MOCS1: variants seen among roughly 807,000 people sequenced by gnomAD.
The protein encoded by MOCS1 is molybdenum cofactor biosynthesis protein 1.
In MOCS1, 39 loss-of-function variants were observed where a neutral mutation model predicts 57.6. The ratio of observed to expected loss-of-function variants is 0.68; its 90% CI spans 0.52 to 0.88. MOCS1 has a LOEUF of 0.88. Ranked by LOEUF, MOCS1 falls within the 40% of genes least tolerant of loss-of-function variation. The probability of loss-of-function intolerance (pLI) is 0.00; values close to 1 mark genes in which losing one functional copy is unlikely to be tolerated. For missense variants in MOCS1, 795 were observed against 831.1 expected, an observed-to-expected ratio of 0.96 and a Z score of 0.53; for synonymous variants, 334 against 335.7, an observed-to-expected ratio of 1.00 and a Z score of 0.05.
In MOCS1 at chr6:39,905,580, T is replaced by TCAA. The variant is rs981281842; in HGVS notation, c.*774_*776dup. 4.2e-6 allele frequency: 2 copies of TCAA among 471,066 alleles called. No individual in the cohort carries two copies. Among genetic ancestry groups the TCAA allele is most frequent in the African/African-American group, 2.0e-5 (1 of 50,064 alleles). 29.2% of individuals were successfully genotyped at this position (471,066 alleles called of 1,614,324 possible). A position where few individuals can be genotyped will look rare whatever the true frequency, so the allele number is the denominator to read the frequency against. On this transcript the variant is annotated 3_prime_UTR_variant, in exon 11 of 11. Coordinates refer to ENST00000340692, the MANE Select transcript of MOCS1 (RefSeq NM_001358530.2). ...CTGTGAGGGTGAAGGCAATCTATCA[T>TCAA]CAACTTTTCTTTCCCTGATATGCTC...
chr6:39,904,295 A>C lies in MOCS1; in HGVS notation c.*2062T>G. The C allele has an allele frequency of 2.2e-6, 1 of 456,778 alleles. No homozygotes were observed. Among genetic ancestry groups the C allele is most frequent in the South Asian group, 1.5e-5 (1 of 64,568 alleles). The allele number at this position is 456,778 out of a possible 1,614,324, so 28.3% of individuals were successfully genotyped here. A position where few individuals can be genotyped will look rare whatever the true frequency, so the allele number is the denominator to read the frequency against. Reference sequence around the variant, plus strand: ...AAAGATATTTTTCTATTTATTTTCTACATCTGGCCAGTGGCTCTGGTGCTA... The same window carrying C: ...AAAGATATTTTTCTATTTATTTTCTCCATCTGGCCAGTGGCTCTGGTGCTA... On this transcript the variant is annotated 3_prime_UTR_variant, in exon 11 of 11. Transcript: ENST00000340692.
intron 1 of MOCS1, among the ~76,000 whole-genome samples, chr6:39,929,929 G>A (rs1166134432): frequency 6.5e-5 from 8 of 122,738 alleles, no homozygotes; most frequent in South Asian, 2.9e-4. Flanking sequence ...GCAACAGAGC[G>A]AGATTCTCTC....
chr6:39,933,480 C>T (rs1768745294), intron 1 of MOCS1, among the ~76,000 whole-genome samples: 1 of 152,066 alleles, frequency 6.6e-6, no homozygotes, highest in Non-Finnish European at 1.5e-5. Context: ...TTATGAATCC[C>T]AGGACAGGAA....
chr6:39,925,942 T>G (rs1768269802), intron 2 of MOCS1, 97 bp from the exon 3 acceptor site: 2 of 1,342,332 alleles, frequency 1.5e-6, no homozygotes, highest in Admixed American at 4.6e-5. Flanking sequence ...GGCCAAAGGC[T>G]TCTCAAACCC....
Position 39,906,231 on chromosome 6 carries a change from A to G in MOCS1, c.*126T>C. The G allele has an allele frequency of 8.4e-7, 1 of 1,195,528 alleles. No homozygotes were observed. Among genetic ancestry groups the G allele is most frequent in the Non-Finnish European group, 1.2e-6 (1 of 809,322 alleles). 74.1% of individuals were successfully genotyped at this position (1,195,528 alleles called of 1,614,324 possible). A position where few individuals can be genotyped will look rare whatever the true frequency, so the allele number is the denominator to read the frequency against. On this transcript the variant is annotated 3_prime_UTR_variant, in exon 11 of 11. Transcript: ENST00000340692. ...TGTTTGTTAGTAGTAGAGCAGGCTG[A>G]CTTCGGGTTTACTGCTCAAGGTAAA...
intron 1 of MOCS1, among the ~76,000 whole-genome samples, chr6:39,932,113 C>T (rs769522285): frequency 4.6e-5 from 7 of 152,174 alleles, no homozygotes; most frequent in Non-Finnish European, 1.0e-4. Context: ...ACACCCTCAT[C>T]CTGCCACACA....
At chr6:39,929,153 G>A (rs1309867221) in intron 1 of MOCS1, among the ~76,000 whole-genome samples, 1 of 152,132 alleles carries the variant, frequency 6.6e-6, no homozygotes, top group Non-Finnish European at 1.5e-5. Flanking sequence ...ACCCACCGCG[G>A]GAGAATTTCC....
At chr6:39,933,425 T>A (rs936191858) in intron 1 of MOCS1, among the ~76,000 whole-genome samples, 1 of 152,086 alleles carries the variant, frequency 6.6e-6, no homozygotes, top group African/African-American at 2.4e-5. Context: ...AAAGCAAATT[T>A]GGCGGAAGTC....
At chr6:39,929,962 A>AAAG (rs1554192264) in intron 1 of MOCS1, among the ~76,000 whole-genome samples, 1 of 136,536 alleles carries the variant, frequency 7.3e-6, no homozygotes, top group African/African-American at 2.6e-5. Flanking sequence ...AAAAAAAAAA[A>AAAG]TGGAATTTGG....
intron 3 of MOCS1, among the ~76,000 whole-genome samples, chr6:39,920,916 C>A (rs1274591287): frequency 6.7e-6 from 1 of 149,992 alleles, no homozygotes; most frequent in African/African-American, 2.5e-5. Context: ...GAGGTTGAGG[C>A]TGCAGTGAGC....
chr6:39,922,245 G>A (rs1455140166), intron 3 of MOCS1, among the ~76,000 whole-genome samples: 1 of 152,184 alleles, frequency 6.6e-6, no homozygotes. Flanking sequence ...CAAGAGCTAT[G>A]AGTGGCTACT....
chr6:39,922,025 G>A (rs1582826706), intron 3 of MOCS1, among the ~76,000 whole-genome samples: 1 of 152,122 alleles, frequency 6.6e-6, no homozygotes, highest in African/African-American at 2.4e-5. Flanking sequence ...CCAGTCGTTC[G>A]GGAAGTTAGG....
chr6:39,906,081 C>G lies in MOCS1; in HGVS notation c.*276G>C. 1.5e-6 allele frequency: 1 copy of G among 652,194 alleles called. No individual in the cohort carries two copies. Among genetic ancestry groups the G allele is most frequent in the Non-Finnish European group, 2.8e-6 (1 of 354,756 alleles). The allele number at this position is 652,194 out of a possible 1,614,324, so 40.4% of individuals were successfully genotyped here. On this transcript the variant is annotated 3_prime_UTR_variant, in exon 11 of 11. Transcript: ENST00000340692. ...ACAAAGAACATGATTTCTCAGTTAT[C>G]TGGCATTGCTTGTTGCAGTCCCGCT...
chr6:39,914,369 A>C (rs1038019585), intron 4 of MOCS1, among the ~76,000 whole-genome samples: 1 of 152,232 alleles, frequency 6.6e-6, no homozygotes, highest in African/African-American at 2.4e-5. Context: ...CATCTTTCAG[A>C]ATGCAGGTTT....
Position 39,925,683 on chromosome 6 carries a change from A to G in MOCS1, c.413T>C (p.Ile138Thr), listed in dbSNP as rs370522920. The change falls in exon 3 of 11, where the codon ATT (isoleucine) becomes ACT (threonine). Residue 138 changes from isoleucine to threonine, a missense_variant. Physicochemically the swap from Ile to Thr is moderately conservative, Grantham distance 89. Transcript: ENST00000340692. Reference sequence around the variant, plus strand: ...ATGACTTTCGTCCAACTCACCCACAATGTCCACCACGTCCGGCCGGATAAG... The same window carrying G: ...ATGACTTTCGTCCAACTCACCCACAGTGTCCACCACGTCCGGCCGGATAAG... ...EPLIRPDVVDIVAQLQRLEGL... is the reference protein window; with the variant it reads ...EPLIRPDVVDTVAQLQRLEGL... 6.2e-7 allele frequency: 1 copy of G among 1,612,578 alleles called. No individual in the cohort carries two copies. The highest frequency in any genetic ancestry group is 8.5e-7 in the Non-Finnish European group (1 of 1,179,960).
intron 3 of MOCS1, among the ~76,000 whole-genome samples, chr6:39,917,300 C>T (rs1582819328): frequency 6.6e-6 from 1 of 152,142 alleles, no homozygotes; most frequent in East Asian, 1.9e-4. Context: ...GGAAAAGCCC[C>T]TTATAAAAAT....
In MOCS1 at chr6:39,905,052, G is replaced by C. The variant is rs7744483; in HGVS notation, c.*1305C>G. ...CATGGGAGTATTTATATCACAAATTGTCTTTTCCAGAGAGCTGGTTGTTTA... is the reference window on the plus strand; with the variant it reads ...CATGGGAGTATTTATATCACAAATTCTCTTTTCCAGAGAGCTGGTTGTTTA... On this transcript the variant is annotated 3_prime_UTR_variant, in exon 11 of 11. Coordinates refer to ENST00000340692, the MANE Select transcript of MOCS1 (RefSeq NM_001358530.2). 4 of 454,008 alleles carry C rather than the reference G, an allele frequency of 8.8e-6. No individual in the cohort carries two copies. Among genetic ancestry groups the C allele is most frequent in the African/African-American group, 6.0e-5 (3 of 49,984 alleles). 28.1% of individuals were successfully genotyped at this position (454,008 alleles called of 1,614,324 possible). A position where few individuals can be genotyped will look rare whatever the true frequency, so the allele number is the denominator to read the frequency against.
chr6:39,925,929 T>A lies in MOCS1; in HGVS notation c.251-84A>T, dbSNP rs1768269192. 1.6e-5 allele frequency: 23 copies of A among 1,456,694 alleles called. No homozygotes were observed. The South Asian group carries it at 3.1e-4, about 19-fold the overall frequency. 90.2% of individuals were successfully genotyped at this position (1,456,694 alleles called of 1,614,324 possible). On this transcript the variant is annotated intron_variant, in intron 2 of 10. Coordinates refer to ENST00000340692, the MANE Select transcript of MOCS1 (RefSeq NM_001358530.2). ...GATGCCTCCACTCCCCAACTCTCCA[T>A]CAGGCCAAAGGCTTCTCAAACCCAT...
Position 39,906,243 on chromosome 6 carries a change from C to T in MOCS1, c.*114G>A. The T allele has an allele frequency of 7.3e-7, 1 of 1,368,856 alleles. No homozygotes were observed. Among genetic ancestry groups the T allele is most frequent in the South Asian group, 1.2e-5 (1 of 85,446 alleles). 84.8% of individuals were successfully genotyped at this position (1,368,856 alleles called of 1,614,324 possible). A position where few individuals can be genotyped will look rare whatever the true frequency, so the allele number is the denominator to read the frequency against. ...GTAGAGCAGGCTGACTTCGGGTTTA[C>T]TGCTCAAGGTAAACAAACAGTGACT... On this transcript the variant is annotated 3_prime_UTR_variant, in exon 11 of 11. Transcript: ENST00000340692.
Sources: allele counts gnomAD v4.1 joint callset (sites outside exome capture counted in the v4.1 genomes callset), GRCh38; gene constraint gnomAD v4.1.1; transcripts MANE v1.5; gene names NCBI Gene and HGNC (gene_info 2026-07-23, HGNC 2026-07-21).